The following GLP1R variants were observed in gnomAD, a reference collection of about 807,000 sequenced individuals.
GLP1R encodes glucagon like peptide 1 receptor, also known as glucagon-like peptide 1 receptor.
Under a neutral mutation model 68.4 loss-of-function variants are expected in GLP1R, and 32 were observed. The ratio of observed to expected loss-of-function variants is 0.47; its 90% CI spans 0.35 to 0.63. The LOEUF (loss-of-function observed/expected upper bound fraction) is 0.63, where lower values mean the gene tolerates loss of function less well. Among genes scored for constraint, GLP1R ranks in the 20% least tolerant of loss-of-function variants. The probability of loss-of-function intolerance (pLI) is 0.00; values close to 1 mark genes in which losing one functional copy is unlikely to be tolerated. For missense variants in GLP1R, 502 were observed against 594.9 expected (o/e 0.84, Z 1.62); for synonymous variants, 263 against 244.4 (o/e 1.08, Z -0.71).
In GLP1R at chr6:39,088,763, C is replaced by T. The variant is rs1046065817; in HGVS notation, c.*2690C>T. Among the ~76,000 whole-genome samples the T allele has an allele frequency of 3.3e-5, 5 of 152,162 alleles. No homozygotes were observed. Among genetic ancestry groups the T allele is most frequent in the African/African-American group, 9.7e-5 (4 of 41,440 alleles). On this transcript the variant is annotated 3_prime_UTR_variant, in exon 13 of 13. Transcript: ENST00000373256. ...CAGAGATGATTTTTTATGGTCTTAG[C>T]GTGCCTCATGCTGTAGACCACATCG...
Position 39,049,936 on chromosome 6 carries a change from C to A in GLP1R, c.78+1018C>A, listed in dbSNP as rs922069210. On this transcript the variant is annotated intron_variant, in intron 1 of 12. Transcript: ENST00000373256. This position sits in a 1 kb window ranked among gnomAD's most constrained non-coding sequence, Gnocchi z 4.5. The stretch of plus-strand genomic sequence containing the variant: ...ATCACCTCCCACTGCTACCCCCAGA[C>A]CTAAAGAACTGAGATCTGTGGGGAG... 6.6e-6 allele frequency among the ~76,000 whole-genome samples: 1 copy of A among 152,152 alleles called. No individual in the cohort carries two copies. Among genetic ancestry groups the A allele is most frequent in the Non-Finnish European group, 1.5e-5 (1 of 68,034 alleles).
rs202123973 is a variant in GLP1R at position 39,087,541 on chromosome 6, C to T, written c.*1468C>T. 8 of 152,322 alleles carry T rather than the reference C, an allele frequency of 5.3e-5. No homozygotes were observed. In the South Asian group the frequency reaches 1.5e-3, roughly 28 times the overall value. The allele number at this position is 152,322 out of a possible 1,614,324, so 9.4% of individuals were successfully genotyped here. On this transcript the variant is annotated 3_prime_UTR_variant, in exon 13 of 13. Coordinates refer to ENST00000373256, the MANE Select transcript of GLP1R (RefSeq NM_002062.5). ...TTTCTGGAGCAAGAGAGAGCTCGCT[C>T]TTGGGAGTCAGGACCTCCGGGGAGA...
intron 12 of GLP1R, among the ~76,000 whole-genome samples, chr6:39,082,814 G>C (rs921452027): frequency 3.9e-5 from 6 of 152,094 alleles, no homozygotes; most frequent in Non-Finnish European, 7.4e-5. Flanking sequence ...TGTAGGGAGA[G>C]ACTGAGGCTC....
At chr6:39,069,866 T>G (rs1768613532) in intron 5 of GLP1R, among the ~76,000 whole-genome samples, 2 of 152,166 alleles carry the variant, frequency 1.3e-5, no homozygotes, top group African/African-American at 4.8e-5. Flanking sequence ...TACCTTAGAC[T>G]GGGTAATTTT....
rs183975331 is a variant in GLP1R at position 39,058,822 on chromosome 6, G to T, written c.283+1243G>T. ...GAAGCACAAAAAGTTTAAGTCACTT[G>T]TTCCAAATGATGTGGTCAATGGCAG... On this transcript the variant is annotated intron_variant, in intron 3 of 12. Transcript: ENST00000373256. 2.6e-5 allele frequency among the ~76,000 whole-genome samples: 4 copies of T among 152,356 alleles called. No homozygotes were observed. The East Asian group carries it at 7.7e-4, about 29-fold the overall frequency.
chr6:39,085,849 T>C lies in GLP1R; in HGVS notation c.1225-57T>C, dbSNP rs765828295. 7.2e-6 allele frequency: 11 copies of C among 1,536,470 alleles called. No homozygotes were observed. The Admixed American group carries it at 1.0e-4, about 14-fold the overall frequency. On this transcript the variant is annotated intron_variant, in intron 12 of 12. Transcript: ENST00000373256. ...CCCCACTAATGTAATAGTGGGGCCA[T>C]TTTGTTAGCCATTGGTTTGCATGAT... is the stretch of plus-strand genomic sequence containing the variant.
chr6:39,059,287 A>T (rs1018347190), intron 3 of GLP1R, among the ~76,000 whole-genome samples: 1 of 152,244 alleles, frequency 6.6e-6, no homozygotes, highest in African/African-American at 2.4e-5. Context: ...TAAGGCACAG[A>T]GGTGCTCAGT....
At chr6:39,059,209 CTCTTT>C (rs1768292864) in intron 3 of GLP1R, among the ~76,000 whole-genome samples, 1 of 152,238 alleles carries the variant, frequency 6.6e-6, no homozygotes, top group Non-Finnish European at 1.5e-5. Flanking sequence ...CCGTGCTACA[CTCTTT>C]TCATCCTCAC....
chr6:39,086,264 G>A lies in GLP1R; in HGVS notation c.*191G>A, dbSNP rs1396288154. 1.9e-6 allele frequency: 1 copy of A among 524,682 alleles called. No individual in the cohort carries two copies. The highest frequency in any genetic ancestry group is 3.4e-6 in the Non-Finnish European group (1 of 297,548). The allele number at this position is 524,682 out of a possible 1,614,324, so 32.5% of individuals were successfully genotyped here. On this transcript the variant is annotated 3_prime_UTR_variant, in exon 13 of 13. Coordinates refer to ENST00000373256, the MANE Select transcript of GLP1R (RefSeq NM_002062.5). This position sits in a 1 kb window ranked among gnomAD's most constrained non-coding sequence, Gnocchi z 4.5. ...CAGGTAAATGGGCAGTGCCTCCTGG[G>A]ACCATGGACACATTTTCTCCTAGGA...
chr6:39,064,843 T>C (rs1414267135), intron 3 of GLP1R, among the ~76,000 whole-genome samples: 2 of 152,168 alleles, frequency 1.3e-5, no homozygotes, highest in African/African-American at 4.8e-5. Flanking sequence ...CTCAGGTCTT[T>C]TTTGTTTTTT....
At chr6:39,056,280 C>A (rs890818925) in intron 1 of GLP1R, 117 bp from the exon 2 acceptor site, 2 of 589,750 alleles carry the variant, frequency 3.4e-6, no homozygotes, top group Non-Finnish European at 6.1e-6. Flanking sequence ...TGATGCCTGG[C>A]AGAATTTGGG....
At chr6:39,077,706 G>A (rs151082526) in intron 7 of GLP1R, among the ~76,000 whole-genome samples, 1 of 152,198 alleles carries the variant, frequency 6.6e-6, no homozygotes, top group East Asian at 1.9e-4. Flanking sequence ...TACTACACAA[G>A]TCAAGTCTCA....
chr6:39,063,367 C>T (rs889890998), intron 3 of GLP1R, among the ~76,000 whole-genome samples: 5 of 152,112 alleles, frequency 3.3e-5, no homozygotes, highest in Non-Finnish European at 5.9e-5. Context: ...AGGGGCCCTT[C>T]GCGTTGCTAA....
intron 3 of GLP1R, among the ~76,000 whole-genome samples, chr6:39,061,110 C>A (rs778192172): frequency 1.0e-3 from 158 of 152,210 alleles, no homozygotes; most frequent in Non-Finnish European, 2.0e-3. Flanking sequence ...AGGCCACGGG[C>A]CTCGGAACTA....
chr6:39,081,246 A>G (rs1224409809), intron 12 of GLP1R, among the ~76,000 whole-genome samples: 1 of 152,222 alleles, frequency 6.6e-6, no homozygotes, highest in Non-Finnish European at 1.5e-5. Context: ...GTTTGGAAAT[A>G]GTGGCACACA....
chr6:39,051,613 G>T (rs1266660080), intron 1 of GLP1R, among the ~76,000 whole-genome samples: 1 of 152,152 alleles, frequency 6.6e-6, no homozygotes, highest in Non-Finnish European at 1.5e-5. Context: ...GCTGCAGCCT[G>T]CCCCTAGGAA....
intron 1 of GLP1R, among the ~76,000 whole-genome samples, chr6:39,051,896 G>GTGT (rs1554168345): frequency 7.6e-6 from 1 of 131,680 alleles, no homozygotes; most frequent in Admixed American, 8.0e-5. Flanking sequence ...TGTGTGTGTG[G>GTGT]GGGGGGGGGC....
intron 12 of GLP1R, among the ~76,000 whole-genome samples, chr6:39,084,811 C>T (rs1769104360): frequency 6.6e-6 from 1 of 152,214 alleles, no homozygotes; most frequent in South Asian, 2.1e-4. Flanking sequence ...TACCAGGCGT[C>T]TTGCTGGGCA....
chr6:39,071,609 G>A (rs1024966806), intron 5 of GLP1R, among the ~76,000 whole-genome samples: 2 of 151,848 alleles, frequency 1.3e-5, no homozygotes, highest in African/African-American at 4.8e-5. Flanking sequence ...GCCATTCCAT[G>A]CAGCAAGGCT....
Sources: gnomAD v4.1 joint callset for allele counts (sites outside exome capture counted in the v4.1 genomes callset) on GRCh38, gnomAD v4.1.1 for gene constraint, Gnocchi (gnomAD v3.1) non-coding constraint, MANE v1.5 for transcripts, NCBI Gene and HGNC (gene_info 2026-07-23, HGNC 2026-07-21) for gene names.